Variants in LRP1B observed in about 807,000 individuals in gnomAD.
LRP1B encodes the protein low-density lipoprotein receptor-related protein 1B.
LRP1B carries 217 observed loss-of-function variants against 556.6 expected under a neutral mutation model. The ratio of observed to expected loss-of-function variants is 0.39; its 90% CI spans 0.35 to 0.44. The LOEUF is 0.44. Ranked by LOEUF, LRP1B falls within the 20% of genes least tolerant of loss-of-function variation. The probability of loss-of-function intolerance (pLI) is 1.00; values close to 1 mark genes in which losing one functional copy is unlikely to be tolerated. For missense variants in LRP1B, 5,053 were observed against 5,620.8 expected (o/e 0.90, Z 3.23); for synonymous variants, 2,047 against 1,865.8 (o/e 1.10, Z -2.50).
At chr2:141,649,663 T>C (rs1158948232) in intron 2 of LRP1B, among the ~76,000 whole-genome samples, 1 of 152,200 alleles carries the variant, frequency 6.6e-6, no homozygotes, top group Non-Finnish European at 1.5e-5. Flanking sequence ...CCAATACCTC[T>C]AATTGTGATA....
chr2:141,005,774 G>C (rs1238744589), intron 14 of LRP1B, among the ~76,000 whole-genome samples: 1 of 151,990 alleles, frequency 6.6e-6, no homozygotes, highest in Admixed American at 6.6e-5. Context: ...TTGTATTCAA[G>C]TCTGAGTTCT....
chr2:141,295,308 T>A (rs2105417935), intron 3 of LRP1B, among the ~76,000 whole-genome samples: 1 of 152,314 alleles, frequency 6.6e-6, no homozygotes, highest in East Asian at 1.9e-4. Context: ...AATGCTCAGT[T>A]TTGGGTTTAC....
At chr2:140,830,894 G>C (rs952648897) in intron 31 of LRP1B, among the ~76,000 whole-genome samples, 1 of 151,964 alleles carries the variant, frequency 6.6e-6, no homozygotes, top group Non-Finnish European at 1.5e-5. Flanking sequence ...ATAATCAGTG[G>C]CATTTATATC....
intron 35 of LRP1B, among the ~76,000 whole-genome samples, chr2:140,740,810 T>A (rs1227253534): frequency 6.6e-6 from 1 of 152,138 alleles, no homozygotes; most frequent in Non-Finnish European, 1.5e-5. Flanking sequence ...CCTCTGTGCA[T>A]TTTTTCTGTG....
chr2:141,544,573 A>G (rs917089808), intron 2 of LRP1B, among the ~76,000 whole-genome samples: 23 of 151,632 alleles, frequency 1.5e-4, no homozygotes, highest in African/African-American at 5.6e-4. Flanking sequence ...GAGCCGCTGC[A>G]TGCAGAGAGA....
intron 6 of LRP1B, among the ~76,000 whole-genome samples, chr2:141,225,974 C>A (rs1306325016): frequency 1.3e-5 from 2 of 151,992 alleles, no homozygotes; most frequent in Non-Finnish European, 2.9e-5. Context: ...ATTCGTAGAC[C>A]TAATCATTTT....
intron 5 of LRP1B, among the ~76,000 whole-genome samples, chr2:141,243,502 A>C (rs1000180159): frequency 6.6e-6 from 1 of 152,140 alleles, no homozygotes; most frequent in African/African-American, 2.4e-5. Context: ...TAAATAAATA[A>C]ATAAACATTA....
chr2:140,973,861 A>T (rs1696511133), intron 18 of LRP1B, among the ~76,000 whole-genome samples: 2 of 152,180 alleles, frequency 1.3e-5, no homozygotes, highest in African/African-American at 4.8e-5. Flanking sequence ...AAAATTTTTC[A>T]TCTTGCATAT....
chr2:140,583,526 A>G (rs755884128), intron 43 of LRP1B, among the ~76,000 whole-genome samples: 4 of 151,668 alleles, frequency 2.6e-5, no homozygotes, highest in Non-Finnish European at 5.9e-5. Context: ...TCCCTCTAAG[A>G]TACGTCTTTA....
chr2:141,340,256 A>G (rs2105514385), intron 3 of LRP1B, among the ~76,000 whole-genome samples: 1 of 152,354 alleles, frequency 6.6e-6, no homozygotes, highest in Non-Finnish European at 1.5e-5. Flanking sequence ...GCAATTTGGT[A>G]GCCAATTTTA....
chr2:141,155,316 C>A (rs1702037666), intron 7 of LRP1B, among the ~76,000 whole-genome samples: 1 of 151,648 alleles, frequency 6.6e-6, no homozygotes, highest in African/African-American at 2.4e-5. Context: ...ATAATTCACA[C>A]AATAATGCTT....
At chr2:140,555,308 T>C (rs1680693362) in intron 43 of LRP1B, among the ~76,000 whole-genome samples, 1 of 152,004 alleles carries the variant, frequency 6.6e-6, no homozygotes, top group South Asian at 2.1e-4. Context: ...TGAATATGTG[T>C]CTTTCAATGT....
chr2:141,576,903 CT>C (rs924437614), intron 2 of LRP1B, among the ~76,000 whole-genome samples: 6 of 151,214 alleles, frequency 4.0e-5, no homozygotes, highest in Non-Finnish European at 8.8e-5. Flanking sequence ...AGCAATCCTC[CT>C]GTCTCTGCCT....
At chr2:140,278,227 G>A (rs1232041027) in intron 84 of LRP1B, among the ~76,000 whole-genome samples, 1 of 151,966 alleles carries the variant, frequency 6.6e-6, no homozygotes, top group Non-Finnish European at 1.5e-5. Context: ...AAAGGAGAGT[G>A]ATGAATAACA....
intron 2 of LRP1B, among the ~76,000 whole-genome samples, chr2:141,692,735 C>CT (rs1691590036): frequency 6.6e-6 from 1 of 151,992 alleles, no homozygotes; most frequent in Admixed American, 6.6e-5. Flanking sequence ...GTGCAGCCTA[C>CT]TACACACCTA....
chr2:141,884,878 T>A (rs1314101586), intron 1 of LRP1B, among the ~76,000 whole-genome samples: 1 of 152,144 alleles, frequency 6.6e-6, no homozygotes, highest in Admixed American at 6.5e-5. Flanking sequence ...GAATAGGAAA[T>A]CAGCTGAAAA....
chr2:140,985,629 A>G (rs908263216), intron 17 of LRP1B, among the ~76,000 whole-genome samples: 3 of 151,970 alleles, frequency 2.0e-5, no homozygotes, highest in Non-Finnish European at 4.4e-5. Context: ...GACTGTGTCC[A>G]CTTGCTCCAG....
chr2:141,570,534 G>A (rs1028834848), intron 2 of LRP1B, among the ~76,000 whole-genome samples: 3 of 151,332 alleles, frequency 2.0e-5, no homozygotes, highest in Non-Finnish European at 4.4e-5. Flanking sequence ...ATCTCCCAGG[G>A]GGAGGGGTGA....
chr2:141,661,262 T>C (rs1034190988), intron 2 of LRP1B, among the ~76,000 whole-genome samples: 1 of 151,900 alleles, frequency 6.6e-6, no homozygotes, highest in Non-Finnish European at 1.5e-5. Flanking sequence ...AAAGCCAGAG[T>C]GCCTCTTCTC....
Sources: gnomAD v4.1 joint callset for allele counts (sites outside exome capture counted in the v4.1 genomes callset) on GRCh38, gnomAD v4.1.1 for gene constraint, MANE v1.5 for transcripts, NCBI Gene and HGNC (gene_info 2026-07-23, HGNC 2026-07-21) for gene names.